Variants in ADGRB3 observed in about 807,000 individuals in gnomAD.
The protein encoded by ADGRB3 is brain-specific angiogenesis inhibitor 3.
Under a neutral mutation model 193.4 loss-of-function variants are expected in ADGRB3, and 37 were observed. The ratio of observed to expected loss-of-function variants is 0.19; its 90% CI spans 0.15 to 0.25. The LOEUF is 0.25. ADGRB3 is among the 10% of genes least tolerant of loss of function. The probability of loss-of-function intolerance (pLI) is 1.00; values close to 1 mark genes in which losing one functional copy is unlikely to be tolerated. For synonymous variants in ADGRB3, 690 were observed against 644.2 expected (o/e 1.07, Z -1.08); for missense variants, 1,637 against 1,852.9 (o/e 0.88, Z 2.14).
At chr6:68,782,861 A>G (rs1165470174) in intron 3 of ADGRB3, among the ~76,000 whole-genome samples, 1 of 151,878 alleles carries the variant, frequency 6.6e-6, no homozygotes, top group Non-Finnish European at 1.5e-5. Flanking sequence ...TTCATTGTAG[A>G]TTCTGGATAT....
At chr6:68,955,110 CA>C (rs1388845134) in intron 6 of ADGRB3, among the ~76,000 whole-genome samples, 1 of 152,200 alleles carries the variant, frequency 6.6e-6, no homozygotes, top group African/African-American at 2.4e-5. Context: ...CAATGACCTT[CA>C]TCCAGTTCCT....
intron 20 of ADGRB3, among the ~76,000 whole-genome samples, chr6:69,254,874 C>A (rs1019878499): frequency 8.6e-6 from 1 of 116,728 alleles, no homozygotes. Context: ...CACCCCACAA[C>A]AGTCCCCAGA....
chr6:69,172,663 A>G (rs1775308089), intron 17 of ADGRB3, among the ~76,000 whole-genome samples: 4 of 137,868 alleles, frequency 2.9e-5, no homozygotes, highest in Admixed American at 7.1e-5. Context: ...AAAAAAAAAA[A>G]AAAAAAAAAG....
chr6:69,339,129 A>G (rs1022449327), intron 25 of ADGRB3, 115 bp downstream of exon 25: 36 of 1,205,674 alleles, frequency 3.0e-5, no homozygotes, highest in Non-Finnish European at 4.0e-5. Context: ...GTATATTTAA[A>G]TATTTATAAT....
intron 3 of ADGRB3, among the ~76,000 whole-genome samples, chr6:68,873,900 A>G (rs921960348): frequency 2.0e-5 from 3 of 152,072 alleles, no homozygotes; most frequent in Non-Finnish European, 4.4e-5. Flanking sequence ...TAAAAAAATT[A>G]GCATATATTC....
At chr6:69,263,195 G>A (rs910568894) in intron 20 of ADGRB3, among the ~76,000 whole-genome samples, 9 of 151,944 alleles carry the variant, frequency 5.9e-5, no homozygotes, top group African/African-American at 2.2e-4. Context: ...AAGGAACTCC[G>A]TCTTTGTATG....
chr6:68,966,918 T>C (rs1441514554), intron 8 of ADGRB3, among the ~76,000 whole-genome samples: 3 of 152,068 alleles, frequency 2.0e-5, no homozygotes, highest in Non-Finnish European at 4.4e-5. Context: ...TGGCAGAAAA[T>C]CAATTGTTAT....
chr6:68,652,331 T>G (rs973829484), intron 3 of ADGRB3, among the ~76,000 whole-genome samples: 25 of 152,148 alleles, frequency 1.6e-4, no homozygotes, highest in African/African-American at 5.6e-4. Flanking sequence ...ACTCCCGCTT[T>G]CCCACTCTAT....
chr6:69,332,534 C>T (rs1444809836), intron 23 of ADGRB3: 1 of 985,272 alleles, frequency 1.0e-6, no homozygotes, highest in Admixed American at 6.2e-5. Flanking sequence ...TAACCTCATA[C>T]TCTAAGATTC....
At chr6:69,358,863 C>A (rs1438497944) in intron 28 of ADGRB3, among the ~76,000 whole-genome samples, 2 of 151,720 alleles carry the variant, frequency 1.3e-5, no homozygotes, top group African/African-American at 2.4e-5. Context: ...GCAGGCATTT[C>A]TCTCGTATAG....
At chr6:69,265,885 G>A (rs1488227176) in intron 20 of ADGRB3, among the ~76,000 whole-genome samples, 1 of 151,862 alleles carries the variant, frequency 6.6e-6, no homozygotes, top group African/African-American at 2.4e-5. Flanking sequence ...ACTCTTTCAA[G>A]GAAAATGTAG....
chr6:69,267,540 TA>T (rs1279761102), intron 20 of ADGRB3, among the ~76,000 whole-genome samples: 2 of 149,356 alleles, frequency 1.3e-5, no homozygotes, highest in African/African-American at 4.9e-5. Flanking sequence ...AAAGGGAAAA[TA>T]CAAAGTAATA....
At chr6:68,656,821 C>T (rs747034988) in intron 3 of ADGRB3, among the ~76,000 whole-genome samples, 17 of 151,566 alleles carry the variant, frequency 1.1e-4, no homozygotes, top group Non-Finnish European at 2.2e-4. Flanking sequence ...CAGTTTGCTT[C>T]ACAGTTTGGT....
chr6:68,920,512 CAAAAAAA>C (rs5877180), intron 3 of ADGRB3, among the ~76,000 whole-genome samples: 1 of 68,914 alleles, frequency 1.5e-5, no homozygotes, highest in Non-Finnish European at 2.6e-5. Context: ...GACTCTGTAT[CAAAAAAA>C]AAAAAAAAAA....
chr6:69,016,503 G>A (rs1770097379), intron 12 of ADGRB3, among the ~76,000 whole-genome samples: 1 of 151,830 alleles, frequency 6.6e-6, no homozygotes, highest in Non-Finnish European at 1.5e-5. Context: ...TTGGTAATTG[G>A]CAGTGACCAT....
chr6:68,975,335 C>A lies in ADGRB3; in HGVS notation c.1729C>A (p.His577Asn). The A allele has an allele frequency of 6.2e-7, 1 of 1,612,366 alleles. No individual in the cohort carries two copies. The highest frequency in any genetic ancestry group is 8.5e-7 in the Non-Finnish European group (1 of 1,178,570). ...ATCAAATGAGTACAGACACTTGCAG[C>A]ATTCAGTAGGTGCAAAGCCAGCTTT... ...CISNEYRHLQ[H>N]SIKEHLAKGQ... is the part of the protein sequence containing the mutation. Residue 577 changes from histidine (H) to asparagine (N), a missense_variant, in exon 10 of 32, where the codon CAT (histidine) becomes AAT (asparagine). Transcript: ENST00000370598.
chr6:69,236,795 T>A (rs1324056789), intron 19 of ADGRB3, among the ~76,000 whole-genome samples: 1 of 152,030 alleles, frequency 6.6e-6, no homozygotes, highest in East Asian at 1.9e-4. Flanking sequence ...ATAATAAAGT[T>A]TTCTTTAATG....
intron 17 of ADGRB3, among the ~76,000 whole-genome samples, chr6:69,120,529 T>G (rs1392869811): frequency 6.6e-6 from 1 of 152,214 alleles, no homozygotes; most frequent in Admixed American, 6.5e-5. Flanking sequence ...TGAGCCTTAA[T>G]TTTTATGTCT....
At chr6:69,014,971 G>A (rs1052629621) in intron 12 of ADGRB3, among the ~76,000 whole-genome samples, 1 of 151,698 alleles carries the variant, frequency 6.6e-6, no homozygotes, top group African/African-American at 2.4e-5. Context: ...CCAGTGTGGG[G>A]CTGCCTCATT....
Sources: allele counts gnomAD v4.1 joint callset (sites outside exome capture counted in the v4.1 genomes callset), GRCh38; gene constraint gnomAD v4.1.1; transcripts MANE v1.5; gene names NCBI Gene and HGNC (gene_info 2026-07-23, HGNC 2026-07-21).